POTEG: variants seen among roughly 807,000 people sequenced by gnomAD.
POTEG encodes ANKRD26-like family C member 2.
A neutral mutation model predicts 49.6 loss-of-function variants in POTEG; 2 were observed. The ratio of observed to expected loss-of-function variants is 0.04; its 90% CI spans 0.02 to 0.13. The LOEUF (loss-of-function observed/expected upper bound fraction) is 0.13, where lower values mean the gene tolerates loss of function less well. POTEG is among the 10% of genes least tolerant of loss of function. The pLI is 1.00. For synonymous variants in POTEG, 7 were observed against 186.6 expected (o/e 0.04, Z 7.84); for missense variants, 26 against 545.2 (o/e 0.05, Z 9.48).
rs559917437 is a variant in POTEG, at chr14:19,425,561, A to T, written c.917+45T>A. The T allele has an allele frequency of 8.5e-4, 590 of 694,554 alleles. 135 individuals are homozygous for T. In the African/African-American group the frequency reaches 8.6e-3, roughly 10 times the overall value. 43.0% of individuals were successfully genotyped at this position (694,554 alleles called of 1,614,324 possible). A position where few individuals can be genotyped will look rare whatever the true frequency, so the allele number is the denominator to read the frequency against. On this transcript the variant is annotated intron_variant, in intron 4 of 10. Coordinates refer to ENST00000547848, the MANE Select transcript of POTEG (RefSeq NM_001005356.3). ...TTATTTAATATTTATGACTTGAGTG[A>T]CTGCTATCCATCTGGAACACACAGA...
chr14:19,415,169 TGATA>T (rs1883503353), intron 7 of POTEG, among the ~76,000 whole-genome samples: 1 of 144,346 alleles, frequency 6.9e-6, no homozygotes, highest in African/African-American at 2.5e-5. Flanking sequence ...TACTGTAATA[TGATA>T]GTGTTATGTA....
chr14:19,416,598 C>T (rs1490808783), intron 6 of POTEG, among the ~76,000 whole-genome samples: 1 of 59,252 alleles, frequency 1.7e-5, no homozygotes, highest in Non-Finnish European at 3.2e-5. Flanking sequence ...TAAATTCATC[C>T]ACCCAACATA....
At chr14:19,426,576 G>A (rs1192236012) in intron 3 of POTEG, among the ~76,000 whole-genome samples, 1 of 152,172 alleles carries the variant, frequency 6.6e-6, no homozygotes. Context: ...ACTGCTCACA[G>A]CAAACTACTA....
intron 7 of POTEG, among the ~76,000 whole-genome samples, chr14:19,415,033 C>T (rs1472098666): frequency 6.9e-6 from 1 of 145,460 alleles, no homozygotes; most frequent in Non-Finnish European, 1.5e-5. Context: ...TGAGCCCCCA[C>T]AGTGCACTGA....
intron 6 of POTEG, among the ~76,000 whole-genome samples, chr14:19,420,575 CTACA>C (rs1883719320): frequency 1.2e-5 from 1 of 86,154 alleles, no homozygotes. Context: ...AAGATGAAAA[CTACA>C]TCTATTCCAT....
At chr14:19,415,059 G>T in intron 7 of POTEG, among the ~76,000 whole-genome samples, 1 of 145,642 alleles carries the variant, frequency 6.9e-6, no homozygotes. Flanking sequence ...TTTTTTAAAA[G>T]ATTCCTAACT....
chr14:19,414,379 T>C (rs1367022598), intron 8 of POTEG, among the ~76,000 whole-genome samples, 183 bp downstream of exon 8: 1 of 146,368 alleles, frequency 6.8e-6, no homozygotes, highest in Non-Finnish European at 1.5e-5. Context: ...TGAAAGAATA[T>C]CTCTAGGGTT....
chr14:19,414,881 A>C (rs1264760432), intron 7 of POTEG, among the ~76,000 whole-genome samples: 1 of 130,312 alleles, frequency 7.7e-6, no homozygotes, highest in African/African-American at 2.6e-5. Context: ...ATGAACCAGC[A>C]AACTTAACTT....
At chr14:19,429,493 G>T (rs1884067445) in intron 1 of POTEG, among the ~76,000 whole-genome samples, 1 of 114,970 alleles carries the variant, frequency 8.7e-6, no homozygotes, top group Non-Finnish European at 1.9e-5. Context: ...TACACTTTCA[G>T]GTGTGTTTTA....
At chr14:19,415,450 A>G (rs1434514005) in intron 7 of POTEG, among the ~76,000 whole-genome samples, 1 of 146,364 alleles carries the variant, frequency 6.8e-6, no homozygotes, top group Non-Finnish European at 1.5e-5. Context: ...CTGACAATAT[A>G]AAACTGCAGA....
chr14:19,415,619 T>A, intron 7 of POTEG, among the ~76,000 whole-genome samples: 1 of 150,016 alleles, frequency 6.7e-6, no homozygotes. Context: ...AGAACAAAGT[T>A]CTGAAATTTG....
chr14:19,420,011 T>A (rs1883692320), intron 6 of POTEG, among the ~76,000 whole-genome samples: 1 of 140,084 alleles, frequency 7.1e-6, no homozygotes, highest in East Asian at 2.1e-4. Context: ...ATCTCACACT[T>A]TTGGTATTAG....
chr14:19,415,829 A>ATTTTTTTTTTTTTTTTTTTTTTTTTT (rs58833974), intron 7 of POTEG, among the ~76,000 whole-genome samples: 1 of 96,702 alleles, frequency 1.0e-5, no homozygotes, highest in African/African-American at 4.5e-5. Context: ...ATCTATTAAA[A>ATTTTTTTTTTTTTTTTTTTTTTTTTT]TTTTTTTTTT....
intron 1 of POTEG, among the ~76,000 whole-genome samples, chr14:19,432,750 C>T (rs1265079354): frequency 8.4e-4 from 73 of 87,202 alleles, no homozygotes; most frequent in African/African-American, 3.3e-3. Flanking sequence ...TGTTAGTAAA[C>T]AATTTGTGGA....
chr14:19,416,239 A>C lies in POTEG; in HGVS notation c.1197+49T>G, dbSNP rs780856022. On this transcript the variant is annotated intron_variant, in intron 7 of 10. Coordinates refer to ENST00000547848, the MANE Select transcript of POTEG (RefSeq NM_001005356.3). ...TAATATTATTAAAGCAAAAAAAAAA[A>C]AACAAAAAAAACGTTAAACCAAAAG... is the stretch of plus-strand genomic sequence containing the variant. 20 of 1,584,380 alleles carry C rather than the reference A, an allele frequency of 1.3e-5. No individual in the cohort carries two copies. The East Asian group carries it at 2.0e-4, about 16-fold the overall frequency.
intron 1 of POTEG, among the ~76,000 whole-genome samples, chr14:19,432,482 G>GTATA (rs1353701096): frequency 5.0e-4 from 38 of 76,266 alleles, no homozygotes; most frequent in African/African-American, 1.8e-3. Flanking sequence ...ATATACATGT[G>GTATA]TATATATATC....
chr14:19,426,360 C>T (rs1390745725), intron 3 of POTEG, among the ~76,000 whole-genome samples: 17 of 147,450 alleles, frequency 1.2e-4, no homozygotes, highest in Non-Finnish European at 2.3e-4. Flanking sequence ...TGTAAAACTG[C>T]CATGCTGATT....
intron 10 of POTEG, 68 bp from the exon 11 acceptor site, chr14:19,403,177 TA>T: frequency 1.2e-5 from 1 of 85,324 alleles, no homozygotes. Context: ...CTTCTGAAAT[TA>T]AAAAATAACA....
At chr14:19,433,320 C>T (rs1295137034) in intron 1 of POTEG, among the ~76,000 whole-genome samples, 3 of 115,852 alleles carry the variant, frequency 2.6e-5, no homozygotes, top group East Asian at 5.0e-4. Context: ...TCTAAGATTA[C>T]TCAGTAAAGA....
Sources: allele counts gnomAD v4.1 joint callset (sites outside exome capture counted in the v4.1 genomes callset), GRCh38; gene constraint gnomAD v4.1.1; transcripts MANE v1.5; gene names NCBI Gene and HGNC (gene_info 2026-07-23, HGNC 2026-07-21).